Variants in FILIP1 observed in about 807,000 individuals in gnomAD.
FILIP1 encodes the protein filamin A interacting protein 1.
Under a neutral mutation model 102.1 loss-of-function variants are expected in FILIP1, and 61 were observed. The ratio of observed to expected loss-of-function variants is 0.60; its 90% CI spans 0.49 to 0.74. The LOEUF is 0.74. Among genes scored for constraint, FILIP1 ranks in the 30% least tolerant of loss-of-function variants. The pLI, the probability that FILIP1 is intolerant of heterozygous loss-of-function variation, is 0.00. For missense variants in FILIP1, 1,314 were observed against 1,441.2 expected (o/e 0.91, Z 1.43); for synonymous variants, 491 against 526.9 (o/e 0.93, Z 0.93).
intron 2 of FILIP1, among the ~76,000 whole-genome samples, chr6:75,380,942 A>C (rs1775889662): frequency 6.6e-6 from 1 of 152,156 alleles, no homozygotes; most frequent in South Asian, 2.1e-4. Context: ...ATAACTTTTA[A>C]ATTTTCCTAA....
intron 4 of FILIP1, among the ~76,000 whole-genome samples, chr6:75,329,622 G>A (rs1046163515): frequency 6.6e-6 from 1 of 152,162 alleles, no homozygotes. Context: ...AACCTCAAAA[G>A]AGTCAAGCTT....
At chr6:75,441,829 C>CG (rs1289817387) in intron 1 of FILIP1, among the ~76,000 whole-genome samples, 1 of 143,000 alleles carries the variant, frequency 7.0e-6, no homozygotes, top group Non-Finnish European at 1.5e-5. Flanking sequence ...GCTGGCCGGG[C>CG]GGGGGGCTGG....
intron 1 of FILIP1, among the ~76,000 whole-genome samples, chr6:75,442,636 C>G (rs552215179): frequency 6.6e-6 from 1 of 152,354 alleles, no homozygotes; most frequent in African/African-American, 2.4e-5. Flanking sequence ...CGCCTGCAAT[C>G]GCAGGCACTC....
At chr6:75,420,991 A>C (rs1777444270) in intron 1 of FILIP1, among the ~76,000 whole-genome samples, 1 of 152,208 alleles carries the variant, frequency 6.6e-6, no homozygotes, top group African/African-American at 2.4e-5. Flanking sequence ...GATAAAATAT[A>C]ATTAGAAAGG....
At chr6:75,441,543 C>A (rs1222281623) in intron 1 of FILIP1, among the ~76,000 whole-genome samples, 1 of 152,052 alleles carries the variant, frequency 6.6e-6, no homozygotes, top group Non-Finnish European at 1.5e-5. Flanking sequence ...CTCCTCACTT[C>A]CCAGTAGGGG....
At chr6:75,407,845 C>T (rs529632716) in intron 2 of FILIP1, among the ~76,000 whole-genome samples, 1 of 152,192 alleles carries the variant, frequency 6.6e-6, no homozygotes, top group East Asian at 1.9e-4. Context: ...TATAAAATGG[C>T]TATTTTTTTG....
chr6:75,434,518 G>A (rs1368671039), intron 1 of FILIP1, among the ~76,000 whole-genome samples: 1 of 152,202 alleles, frequency 6.6e-6, no homozygotes, highest in Non-Finnish European at 1.5e-5. Context: ...AGGAATGCTT[G>A]TGGTTTTTGC....
chr6:75,359,408 C>A (rs953926387), intron 3 of FILIP1, among the ~76,000 whole-genome samples: 4 of 152,060 alleles, frequency 2.6e-5, no homozygotes, highest in Non-Finnish European at 5.9e-5. Flanking sequence ...GGCAGGACAG[C>A]GTCAGATAAG....
chr6:75,328,919 G>C (rs982616673), intron 4 of FILIP1, among the ~76,000 whole-genome samples: 3 of 152,158 alleles, frequency 2.0e-5, no homozygotes, highest in African/African-American at 7.2e-5. Flanking sequence ...ATCTGTCTGT[G>C]ACTGTGGGTG....
chr6:75,441,179 T>C (rs964888266), intron 1 of FILIP1, among the ~76,000 whole-genome samples: 8 of 151,592 alleles, frequency 5.3e-5, no homozygotes, highest in Admixed American at 1.3e-4. Context: ...GGAGTGGTGA[T>C]GACTCTTAAC....
chr6:75,442,181 C>A (rs1464769193), intron 1 of FILIP1, among the ~76,000 whole-genome samples: 8 of 151,956 alleles, frequency 5.3e-5, no homozygotes, highest in Non-Finnish European at 1.2e-4. Flanking sequence ...ACGCTCCTCA[C>A]TTCCTAGATG....
chr6:75,418,443 A>G (rs528206286), intron 1 of FILIP1, among the ~76,000 whole-genome samples: 1 of 152,348 alleles, frequency 6.6e-6, no homozygotes, highest in Non-Finnish European at 1.5e-5. Context: ...TACAGTTATG[A>G]AAACAGGATG....
intron 2 of FILIP1, among the ~76,000 whole-genome samples, chr6:75,394,217 T>C (rs954788120): frequency 6.6e-6 from 1 of 152,150 alleles, no homozygotes; most frequent in Admixed American, 6.6e-5. Context: ...ACTTCCTGTT[T>C]TCCTGACTAG....
intron 2 of FILIP1, among the ~76,000 whole-genome samples, chr6:75,372,367 CA>C (rs1224463218): frequency 0.091 from 4,458 of 48,978 alleles, 176 homozygotes; most frequent in African/African-American, 0.23. Context: ...AACTCTGTCT[CA>C]AAAAAAAAAA....
chr6:75,487,541 CTT>C (rs930345440), intron 1 of FILIP1, among the ~76,000 whole-genome samples: 2 of 151,448 alleles, frequency 1.3e-5, no homozygotes, highest in Admixed American at 6.6e-5. Flanking sequence ...TCATCTATGA[CTT>C]GTGTGTGTGT....
intron 2 of FILIP1, chr6:75,386,104 T>G (rs183596627): frequency 8.2e-4 from 125 of 152,326 alleles, no homozygotes; most frequent in African/African-American, 2.8e-3. Flanking sequence ...TACTGCTTAT[T>G]TGTAGTTACC....
chr6:75,355,866 T>C (rs887171000), intron 3 of FILIP1, among the ~76,000 whole-genome samples: 2 of 152,140 alleles, frequency 1.3e-5, no homozygotes, highest in African/African-American at 4.8e-5. Context: ...TATCCTATTT[T>C]CCCCCTTTGA....
intron 2 of FILIP1, among the ~76,000 whole-genome samples, chr6:75,399,714 G>A (rs2149669550): frequency 6.6e-6 from 1 of 152,044 alleles, no homozygotes; most frequent in East Asian, 1.9e-4. Flanking sequence ...AACCTTTTAG[G>A]GTTACTGTGA....
chr6:75,315,976 G>C (rs1340089572), intron 4 of FILIP1, among the ~76,000 whole-genome samples: 1 of 152,158 alleles, frequency 6.6e-6, no homozygotes, highest in Non-Finnish European at 1.5e-5. Context: ...ATTGATTTTA[G>C]TTCACACCAG....
Sources: allele counts gnomAD v4.1 joint callset (sites outside exome capture counted in the v4.1 genomes callset), GRCh38; gene constraint gnomAD v4.1.1; transcripts MANE v1.5; gene names NCBI Gene and HGNC (gene_info 2026-07-23, HGNC 2026-07-21).